Variants in STIP1 observed in about 807,000 individuals in gnomAD.
The protein encoded by STIP1 is stress induced phosphoprotein 1, also known as stress-induced-phosphoprotein 1.
Under a neutral mutation model 77.4 loss-of-function variants are expected in STIP1, and 16 were observed. That is an observed-to-expected ratio of 0.21 (90% CI 0.14 to 0.31). The LOEUF is 0.31. STIP1 is among the 10% of genes least tolerant of loss of function. The pLI, the probability that STIP1 is intolerant of heterozygous loss-of-function variation, is 1.00. For synonymous variants in STIP1, 258 were observed against 246.6 expected (o/e 1.05, Z -0.44); for missense variants, 524 against 684.8 (o/e 0.77, Z 2.62).
rs572463495 is a variant in STIP1, at chr11:64,191,797, G to T, written c.10-1281G>T. On this transcript the variant is annotated intron_variant, in intron 1 of 13. Transcript: ENST00000305218. ...TAATGAAAAAGTAAAATTTAATGTG[G>T]AAAATGCAAACTTGGGGAGGGCAGA... 3.5e-4 allele frequency among the ~76,000 whole-genome samples: 53 copies of T among 151,326 alleles called. 1 individual carries two copies. Among genetic ancestry groups the T allele is most frequent in the Admixed American group, 3.0e-3 (46 of 15,196 alleles).
chr11:64,186,259 G>T lies in STIP1; in HGVS notation c.-3G>T. The T allele has an allele frequency of 1.3e-6, 2 of 1,535,014 alleles. No homozygotes were observed. Among genetic ancestry groups the T allele is most frequent in the East Asian group, 2.5e-5 (1 of 39,940 alleles). ...TCAACGGGGTTCCGGACCGCGCTGCGCTATGGAGCAGGTGAAGGGGGAGGG... is the reference window on the plus strand; with the variant it reads ...TCAACGGGGTTCCGGACCGCGCTGCTCTATGGAGCAGGTGAAGGGGGAGGG... On this transcript the variant is annotated 5_prime_UTR_variant, in exon 1 of 14. Transcript: ENST00000305218.
At position 64,193,196 on chromosome 11, in the gene STIP1, A is replaced by G; in HGVS notation, c.128A>G (p.Asn43Ser). 2 of 1,614,190 alleles carry G rather than the reference A, an allele frequency of 1.2e-6. No homozygotes were observed. Among genetic ancestry groups the G allele is most frequent in the Non-Finnish European group, 8.5e-7 (1 of 1,180,032 alleles). Residue 43 changes from asparagine (N) to serine (S), a missense_variant, in exon 2 of 14, where the codon AAC (asparagine) becomes AGC (serine). Transcript: ENST00000305218. The part of the protein sequence containing the change: ...LDPHNHVLYS[N>S]RSAAYAKKGD... The stretch of plus-strand genomic sequence containing the variant: ...CCCCACAACCACGTGCTGTACAGCA[A>G]CCGTTCTGCTGCCTATGCCAAGAAA...
Position 64,200,309 on chromosome 11 carries a change from G to A in STIP1, c.1245+16G>A, listed in dbSNP as rs747952599. 17 of 1,596,056 alleles carry A rather than the reference G, an allele frequency of 1.1e-5. No homozygotes were observed. The highest frequency in any genetic ancestry group is 1.4e-5 in the Non-Finnish European group (17 of 1,173,396). On this transcript the variant is annotated intron_variant, in intron 10 of 13. Coordinates refer to ENST00000305218, the MANE Select transcript of STIP1 (RefSeq NM_006819.3). ...GGCACTCAAGGTGACGAGACCTGTG[G>A]GGGCGGCCATTACTGAAAGCCTGCA...
At chr11:64,190,808 A>T (rs1591005245) in intron 1 of STIP1, among the ~76,000 whole-genome samples, 1 of 152,040 alleles carries the variant, frequency 6.6e-6, no homozygotes. Context: ...AAGCCTGGGC[A>T]ATATGGTGAG....
chr11:64,199,455 C>T (rs149471620), intron 8 of STIP1, among the ~76,000 whole-genome samples: 16,199 of 140,026 alleles, frequency 0.12, 2,795 homozygotes, highest in African/African-American at 0.38. Context: ...TGCAGTGAGC[C>T]GAGATCGCGC....
At chr11:64,199,499 T>A (rs1281527318) in intron 8 of STIP1, among the ~76,000 whole-genome samples, 2 of 132,174 alleles carry the variant, frequency 1.5e-5, no homozygotes, top group East Asian at 4.5e-4. Flanking sequence ...AGAGCGAGAC[T>A]CTATCTCAAA....
chr11:64,185,840 C>G, upstream of STIP1: 1 of 1,536,100 alleles, frequency 6.5e-7, no homozygotes, highest in Non-Finnish European at 8.7e-7. Context: ...GTCCGGCAGC[C>G]CAATGGGAGA....
At chr11:64,186,167 C>T (rs1468176097), upstream of STIP1, 3 of 1,549,944 alleles carry the variant, frequency 1.9e-6, no homozygotes, top group Non-Finnish European at 2.6e-6. Context: ...GCCGGGGTCC[C>T]GGTAGCTTCT....
At chr11:64,185,649 G>A (rs3751122), upstream of STIP1, 3,543 of 838,792 alleles carry the variant, frequency 4.2e-3, 21 homozygotes, top group East Asian at 0.028. Context: ...GCAACCCAGA[G>A]GCCCCGCAGC....
intron 1 of STIP1, among the ~76,000 whole-genome samples, chr11:64,189,853 C>T (rs1350804991): frequency 1.3e-5 from 2 of 152,160 alleles, no homozygotes; most frequent in East Asian, 3.8e-4. Context: ...TTTGTTAACT[C>T]TTCGTCTTCT....
At position 64,187,732 on chromosome 11, in the gene STIP1, G is replaced by C. The variant is rs149910053; in HGVS notation, c.9+1462G>C. On this transcript the variant is annotated intron_variant, in intron 1 of 13. Coordinates refer to ENST00000305218, the MANE Select transcript of STIP1 (RefSeq NM_006819.3). Reference sequence around the variant, plus strand: ...AAGAAAGGATCTGGGGCCGGGCACCGTGGCTCAGCCTGTAATCCCAGCACT... The same window carrying C: ...AAGAAAGGATCTGGGGCCGGGCACCCTGGCTCAGCCTGTAATCCCAGCACT... Among the ~76,000 whole-genome samples, 361 of 152,302 alleles carry C rather than the reference G, an allele frequency of 2.4e-3. 3 individuals carry two copies. The highest frequency in any genetic ancestry group is 8.4e-3 in the African/African-American group (349 of 41,562).
intron 9 of STIP1, 58 bp from the exon 10 acceptor site, chr11:64,200,111 C>G: frequency 1.2e-6 from 2 of 1,611,998 alleles, no homozygotes; most frequent in Admixed American, 1.7e-5. Flanking sequence ...GGTAAATGGC[C>G]GGCTACACAT....
At chr11:64,200,899 G>A (rs1287738689) in intron 10 of STIP1, among the ~76,000 whole-genome samples, 1 of 151,878 alleles carries the variant, frequency 6.6e-6, no homozygotes, top group Non-Finnish European at 1.5e-5. Context: ...CCATCTCCCG[G>A]GTATTTTAGT....
chr11:64,202,901 A>G lies in STIP1; in HGVS notation c.1271A>G (p.Glu424Gly). ...LKDCEECIQL[E>G]PTFIKGYTRK... ...GACTGTGAGGAATGTATCCAGCTGG[A>G]GCCGACCTTCAGTAAGTGCCTTTCT... Residue 424 changes from glutamate (E) to glycine (G), a missense_variant, in exon 11 of 14, where the codon GAG becomes GGG. By Grantham distance (98) the Glu-to-Gly change is moderately conservative (BLOSUM62 -2). Coordinates refer to ENST00000305218, the MANE Select transcript of STIP1 (RefSeq NM_006819.3). The G allele has an allele frequency of 1.2e-6, 2 of 1,614,106 alleles. No homozygotes were observed. The highest frequency in any genetic ancestry group is 2.2e-5 in the South Asian group (2 of 91,074).
chr11:64,198,539 G>T (rs1401231880), intron 8 of STIP1, among the ~76,000 whole-genome samples: 1 of 152,044 alleles, frequency 6.6e-6, no homozygotes, highest in East Asian at 1.9e-4. Flanking sequence ...TAGAGAAGGG[G>T]TCTCACTGTG....
chr11:64,199,656 C>T (rs574979491), intron 8 of STIP1, among the ~76,000 whole-genome samples: 7 of 149,988 alleles, frequency 4.7e-5, no homozygotes, highest in Non-Finnish European at 7.4e-5. Flanking sequence ...TTCCGCCTCC[C>T]GGGTTCACGC....
chr11:64,199,132 C>T (rs967643549), intron 8 of STIP1, among the ~76,000 whole-genome samples: 37 of 150,764 alleles, frequency 2.5e-4, no homozygotes, highest in African/African-American at 8.5e-4. Context: ...CTCAGTGGGG[C>T]GGAGGTTGCA....
chr11:64,187,269 A>C (rs910876302), intron 1 of STIP1, among the ~76,000 whole-genome samples: 3 of 152,118 alleles, frequency 2.0e-5, no homozygotes, highest in African/African-American at 7.2e-5. Context: ...ATTCATCGGA[A>C]GAAAAAGGAC....
chr11:64,200,107 T>C, intron 9 of STIP1, 62 bp from the exon 10 acceptor site: 2 of 1,612,484 alleles, frequency 1.2e-6, no homozygotes, highest in Middle Eastern at 1.7e-4. Flanking sequence ...GTGGGGTAAA[T>C]GGCCGGCTAC....
Sources: gnomAD v4.1 joint callset for allele counts (sites outside exome capture counted in the v4.1 genomes callset) on GRCh38, gnomAD v4.1.1 for gene constraint, MANE v1.5 for transcripts, NCBI Gene and HGNC (gene_info 2026-07-23, HGNC 2026-07-21) for gene names.